Variants in SLC6A5 observed in about 807,000 individuals in gnomAD.
SLC6A5 encodes the protein sodium- and chloride-dependent glycine transporter 2.
In SLC6A5, 58 loss-of-function variants were observed where a neutral mutation model predicts 90.5. That is an observed-to-expected ratio of 0.64 (90% confidence interval 0.52 to 0.80). The LOEUF is 0.80. Ranked by LOEUF, SLC6A5 falls within the 30% of genes least tolerant of loss-of-function variation. SLC6A5 has a pLI of 0.00. For synonymous variants in SLC6A5, 427 were observed against 401.4 expected (o/e 1.06, Z -0.76); for missense variants, 1,015 against 1,017.6 (o/e 1.00, Z 0.03).
chr11:20,608,944 CTCTCTCTCTCTCTCTGTGTGTGTGTGTG>C (rs746514966), intron 5 of SLC6A5, among the ~76,000 whole-genome samples: 68 of 118,466 alleles, frequency 5.7e-4, no homozygotes, highest in Non-Finnish European at 8.7e-4. Flanking sequence ...CTCTCTCTCT[CTCTCTCTCTCTCTCTGTGTGTGTGTGTG>C]TGTGTGTGTG....
rs1715297 is a variant in SLC6A5, at chr11:20,654,732, C to T, written c.2258C>T (p.Ser753Leu). 4.4e-5 allele frequency: 71 copies of T among 1,614,020 alleles called. No individual in the cohort carries two copies. The highest frequency in any genetic ancestry group is 3.1e-4 in the African/African-American group (23 of 74,908). ...RFIERLKLVC[S>L]PQPDWGPFLA... is the part of the protein sequence containing the mutation. ...TTGCAGAGGCTGAAGTTGGTGTGCT[C>T]GCCACAGCCGGACTGGGGCCCATTC... is the stretch of plus-strand genomic sequence containing the variant. Residue 753 changes from serine to leucine, a missense_variant, in exon 16 of 16, where the codon TCG (serine) becomes TTG (leucine). Around this residue, in one of 3 missense-constraint regions of SLC6A5, gnomAD observed 442 missense variants for 494.3 expected, o/e 0.89. Coordinates refer to ENST00000525748, the MANE Select transcript of SLC6A5 (RefSeq NM_004211.5).
At chr11:20,627,427 A>G (rs997452278) in intron 8 of SLC6A5, among the ~76,000 whole-genome samples, 3 of 152,164 alleles carry the variant, frequency 2.0e-5, no homozygotes, top group Non-Finnish European at 4.4e-5. Context: ...CTTTTCCAGG[A>G]TGTGTTAAGA....
At chr11:20,631,115 A>G (rs1185216328) in intron 10 of SLC6A5, among the ~76,000 whole-genome samples, 3 of 152,220 alleles carry the variant, frequency 2.0e-5, no homozygotes, top group Non-Finnish European at 2.9e-5. Flanking sequence ...TAAGGGTTAT[A>G]CCTGTTAGGT....
intron 14 of SLC6A5, among the ~76,000 whole-genome samples, chr11:20,647,668 G>C (rs1459078312): frequency 6.6e-6 from 1 of 151,964 alleles, no homozygotes; most frequent in African/African-American, 2.4e-5. Context: ...AGCTCCTCAA[G>C]GTTGGCATTA....
In SLC6A5 at chr11:20,601,117, T is replaced by A. The variant is rs1463209277; in HGVS notation, c.4-12T>A. Reference sequence around the variant, plus strand: ...GACTTTGTTTTGCACGAACTTGACATTGTGTTTGCAGGATTGCAGTGCTCC... The same window carrying A: ...GACTTTGTTTTGCACGAACTTGACAATGTGTTTGCAGGATTGCAGTGCTCC... On this transcript the variant is annotated splice_polypyrimidine_tract_variant and intron_variant, in intron 1 of 15. Transcript: ENST00000525748. 1 of 1,583,656 alleles carries A rather than the reference T, an allele frequency of 6.3e-7. No homozygotes were observed. Among genetic ancestry groups the A allele is most frequent in the Admixed American group, 1.7e-5 (1 of 57,734 alleles).
intron 9 of SLC6A5, among the ~76,000 whole-genome samples, chr11:20,629,853 C>T (rs959173955): frequency 2.0e-5 from 3 of 151,622 alleles, no homozygotes; most frequent in African/African-American, 4.9e-5. Flanking sequence ...GCTGGGATTG[C>T]GGGCATGTGC....
chr11:20,647,011 G>T (rs1045466851), intron 14 of SLC6A5, 77 bp downstream of exon 14: 4 of 969,486 alleles, frequency 4.1e-6, no homozygotes, highest in Non-Finnish European at 6.7e-6. Flanking sequence ...AACAGTGCAT[G>T]CCTGTTTACA....
chr11:20,654,681 T>G, intron 15 of SLC6A5, 32 bp from the exon 16 acceptor site: 1 of 1,613,572 alleles, frequency 6.2e-7, no homozygotes, highest in Non-Finnish European at 8.5e-7. Context: ...GCACTACTTC[T>G]GTGACCATGT....
intron 4 of SLC6A5, among the ~76,000 whole-genome samples, 162 bp from the exon 5 acceptor site, chr11:20,607,317 G>A (rs942132947): frequency 6.6e-6 from 1 of 151,580 alleles, no homozygotes; most frequent in Non-Finnish European, 1.5e-5. Context: ...TGAGTTCCCA[G>A]CAGAATGCCT....
chr11:20,647,086 A>C (rs1038025938), intron 14 of SLC6A5, 152 bp downstream of exon 14: 1 of 689,012 alleles, frequency 1.5e-6, no homozygotes, highest in African/African-American at 1.8e-5. Context: ...CAAATGAGAA[A>C]ACTGAAGTTC....
intron 15 of SLC6A5, among the ~76,000 whole-genome samples, chr11:20,653,083 G>A (rs999076041): frequency 6.6e-6 from 1 of 152,188 alleles, no homozygotes; most frequent in Non-Finnish European, 1.5e-5. Context: ...CTGAGTGAAT[G>A]GGAAGGGGAC....
intron 10 of SLC6A5, among the ~76,000 whole-genome samples, chr11:20,634,995 C>T (rs1041466997): frequency 1.8e-4 from 27 of 152,096 alleles, no homozygotes; most frequent in Middle Eastern, 6.8e-3. Flanking sequence ...CCAGTGAGAC[C>T]GTGAGGCAGG....
intron 10 of SLC6A5, among the ~76,000 whole-genome samples, chr11:20,632,447 T>C (rs1399238969): frequency 6.6e-6 from 1 of 152,172 alleles, no homozygotes; most frequent in Non-Finnish European, 1.5e-5. Flanking sequence ...GCCAACAAAT[T>C]GCCCATGTTT....
chr11:20,608,595 C>G (rs1291092542), intron 5 of SLC6A5, among the ~76,000 whole-genome samples: 2 of 152,170 alleles, frequency 1.3e-5, no homozygotes, highest in Non-Finnish European at 2.9e-5. Context: ...ATAAAAGGTG[C>G]TAGTAGCAGT....
At chr11:20,602,321 A>G (rs189669648) in intron 2 of SLC6A5, among the ~76,000 whole-genome samples, 23 of 152,304 alleles carry the variant, frequency 1.5e-4, no homozygotes, top group African/African-American at 5.3e-4. Flanking sequence ...AGCCCCACCA[A>G]TCTTAATCCC....
At chr11:20,652,911 A>T (rs1194380479) in intron 15 of SLC6A5, among the ~76,000 whole-genome samples, 1 of 152,068 alleles carries the variant, frequency 6.6e-6, no homozygotes, top group Non-Finnish European at 1.5e-5. Context: ...TCTGTTAGGG[A>T]TGGTTGAGGG....
At position 20,638,513 on chromosome 11, in the gene SLC6A5, G is replaced by A; in HGVS notation, c.1924G>A (p.Val642Ile). 6.2e-7 allele frequency: 1 copy of A among 1,613,508 alleles called. No individual in the cohort carries two copies. The highest frequency in any genetic ancestry group is 1.1e-5 in the South Asian group (1 of 91,064). The change falls in exon 13 of 16, where the codon GTC (valine) becomes ATC (isoleucine). Residue 642 changes from valine to isoleucine, a missense_variant. Around this residue, in one of 3 missense-constraint regions of SLC6A5, gnomAD observed 442 missense variants for 494.3 expected, o/e 0.89. Coordinates refer to ENST00000525748, the MANE Select transcript of SLC6A5 (RefSeq NM_004211.5). ...CACCTATGCTGCCTCCTATGCCCTT[G>A]TCATCATTGCCATTTTTGAGCTCGT... is the stretch of plus-strand genomic sequence containing the variant. ...VDTYAASYAL[V>I]IIAIFELVGI...
chr11:20,637,514 T>C (rs777888935), intron 12 of SLC6A5, among the ~76,000 whole-genome samples: 4 of 152,166 alleles, frequency 2.6e-5, no homozygotes, highest in Non-Finnish European at 5.9e-5. Flanking sequence ...ATCTTCATAA[T>C]TGAGATGTAG....
chr11:20,634,147 G>A (rs1003952638), intron 10 of SLC6A5, among the ~76,000 whole-genome samples: 10 of 152,224 alleles, frequency 6.6e-5, no homozygotes, highest in African/African-American at 2.4e-4. Flanking sequence ...GGGGATTACA[G>A]GCGTGAGCCA....
Sources: allele counts gnomAD v4.1 joint callset (sites outside exome capture counted in the v4.1 genomes callset), GRCh38; gene constraint gnomAD v4.1.1; regional missense constraint gnomAD v4.1.1; transcripts MANE v1.5; gene names NCBI Gene and HGNC (gene_info 2026-07-23, HGNC 2026-07-21).